Variants in ARHGEF3 observed in about 807,000 individuals in gnomAD.
The protein encoded by ARHGEF3 is 59.8 kDA protein.
ARHGEF3 carries 28 observed loss-of-function variants against 63.2 expected under a neutral mutation model. That is an observed-to-expected ratio of 0.44 (90% CI 0.33 to 0.61). The LOEUF (loss-of-function observed/expected upper bound fraction) is 0.61, where lower values mean the gene tolerates loss of function less well. Among genes scored for constraint, ARHGEF3 ranks in the 20% least tolerant of loss-of-function variants. The pLI, the probability that ARHGEF3 is intolerant of heterozygous loss-of-function variation, is 0.03. For synonymous variants in ARHGEF3, 266 were observed against 254.2 expected (o/e 1.05, Z -0.44); for missense variants, 533 against 659.3 (o/e 0.81, Z 2.10).
intron 4 of ARHGEF3, among the ~76,000 whole-genome samples, chr3:56,865,165 T>C (rs1233437515): frequency 6.6e-6 from 1 of 152,224 alleles, no homozygotes; most frequent in East Asian, 1.9e-4. Flanking sequence ...GCAGGCCTAT[T>C]TCCACAACCT....
intron 4 of ARHGEF3, among the ~76,000 whole-genome samples, chr3:56,864,357 G>T (rs183986075): frequency 4.6e-4 from 70 of 152,270 alleles, no homozygotes; most frequent in Middle Eastern, 3.4e-3. Flanking sequence ...TGTTCCCAAG[G>T]TCACAGCTCT....
chr3:56,910,529 T>C (rs7646342), intron 3 of ARHGEF3, among the ~76,000 whole-genome samples: 142,095 of 152,290 alleles, frequency 0.93, 66,684 homozygotes, highest in Non-Finnish European at 0.99. Context: ...TATATATTTA[T>C]TATAATATGT....
chr3:56,949,597 A>G (rs1024468953), intron 3 of ARHGEF3, among the ~76,000 whole-genome samples: 1 of 152,098 alleles, frequency 6.6e-6, no homozygotes, highest in Non-Finnish European at 1.5e-5. Flanking sequence ...CTCTTCAAGG[A>G]GAACCACAAA....
At position 56,871,642 on chromosome 3, in the gene ARHGEF3, C is replaced by T. The variant is rs1424519226; in HGVS notation, c.192+10650G>A. Among the ~76,000 whole-genome samples the T allele has an allele frequency of 3.3e-5, 5 of 152,082 alleles. No homozygotes were observed. The East Asian group carries it at 5.8e-4, about 18-fold the overall frequency. On this transcript the variant is annotated intron_variant, in intron 4 of 12. Transcript: ENST00000338458. ...TTACTAACACTAATAATCTCACATA[C>T]CAACAGGTCAAAATCTATTATTCTT...
At chr3:57,011,866 G>C (rs184899751) in intron 2 of ARHGEF3, among the ~76,000 whole-genome samples, 1 of 152,130 alleles carries the variant, frequency 6.6e-6, no homozygotes, top group African/African-American at 2.4e-5. Flanking sequence ...CCCAGTGCTC[G>C]CAGGGCCTCT....
chr3:56,990,381 C>G (rs763664285), intron 2 of ARHGEF3, among the ~76,000 whole-genome samples: 5 of 152,172 alleles, frequency 3.3e-5, no homozygotes, highest in Admixed American at 1.3e-4. Flanking sequence ...GTCAAGAGTT[C>G]GAGACCAGCC....
intron 2 of ARHGEF3, among the ~76,000 whole-genome samples, chr3:57,031,912 C>T (rs991946978): frequency 1.3e-5 from 2 of 152,098 alleles, no homozygotes; most frequent in Non-Finnish European, 2.9e-5. Context: ...AACTGTAATG[C>T]AGAGTTAAAC....
chr3:56,745,714 C>T (rs2034338517), intron 6 of ARHGEF3, among the ~76,000 whole-genome samples: 1 of 152,126 alleles, frequency 6.6e-6, no homozygotes, highest in Non-Finnish European at 1.5e-5. Flanking sequence ...CTCTGTCACC[C>T]AGGCTGGTGT....
intron 2 of ARHGEF3, among the ~76,000 whole-genome samples, chr3:57,034,621 G>A (rs1008474539): frequency 6.0e-5 from 9 of 150,602 alleles, no homozygotes; most frequent in African/African-American, 2.0e-4. Context: ...TAGAGATGTG[G>A]AAGAAAATAT....
In ARHGEF3 at chr3:56,889,043, A is replaced by G. The variant is rs367654343; in HGVS notation, c.130-6689T>C. 3.3e-5 allele frequency among the ~76,000 whole-genome samples: 5 copies of G among 152,188 alleles called. 1 individual carries two copies. Among genetic ancestry groups the G allele is most frequent in the East Asian group, 3.9e-4 (2 of 5,156 alleles). On this transcript the variant is annotated intron_variant, in intron 3 of 12. Transcript: ENST00000338458. ...GTATTCCTGGAAGGATCAAGTGAACATTGCCAGAGACTCGTTACTGCCTCT... is the reference window on the plus strand; with the variant it reads ...GTATTCCTGGAAGGATCAAGTGAACGTTGCCAGAGACTCGTTACTGCCTCT...
chr3:56,877,111 T>A (rs1339050775), intron 4 of ARHGEF3, among the ~76,000 whole-genome samples: 2 of 152,190 alleles, frequency 1.3e-5, no homozygotes, highest in Non-Finnish European at 2.9e-5. Flanking sequence ...TAGCCAGGAA[T>A]TTCATATCTC....
At chr3:56,828,720 C>T (rs1013456602) in intron 4 of ARHGEF3, among the ~76,000 whole-genome samples, 5 of 152,126 alleles carry the variant, frequency 3.3e-5, no homozygotes, top group African/African-American at 9.7e-5. Flanking sequence ...TCTGGTCCAG[C>T]AGTAAAACCT....
Position 56,963,939 on chromosome 3 carries a change from CTT to C in ARHGEF3, c.63-5052_63-5051del, listed in dbSNP as rs759537576. 3.5e-3 allele frequency among the ~76,000 whole-genome samples: 533 copies of C among 152,310 alleles called. 1 individual carries two copies. The highest frequency in any genetic ancestry group is 5.1e-3 in the Non-Finnish European group (345 of 68,032). The stretch of plus-strand genomic sequence containing the variant: ...GCTCATCACTTTGGCCTGTCTCTCT[CTT>C]GAACAAAGGGACATCCCAATAACAT... On this transcript the variant is annotated intron_variant, in intron 2 of 12. Transcript: ENST00000338458.
intron 2 of ARHGEF3, among the ~76,000 whole-genome samples, chr3:56,995,620 CGAGAGA>C (rs66778716): frequency 0.076 from 8,572 of 112,768 alleles, 333 homozygotes; most frequent in Non-Finnish European, 0.098. Flanking sequence ...GTAAATTTTC[CGAGAGA>C]GAGAGAGAGA....
chr3:56,921,606 A>G (rs2042144587), intron 3 of ARHGEF3, among the ~76,000 whole-genome samples: 1 of 152,200 alleles, frequency 6.6e-6, no homozygotes, highest in African/African-American at 2.4e-5. Flanking sequence ...AACCTGAACA[A>G]TTCCTCTGCC....
At chr3:56,859,166 G>GT (rs1553768464) in intron 4 of ARHGEF3, among the ~76,000 whole-genome samples, 2 of 152,038 alleles carry the variant, frequency 1.3e-5, no homozygotes, top group African/African-American at 4.8e-5. Context: ...TTATTGTTTT[G>GT]TTTTGTTTTT....
chr3:56,938,804 C>T (rs185758466), intron 3 of ARHGEF3: 4 of 152,338 alleles, frequency 2.6e-5, no homozygotes, highest in East Asian at 1.9e-4. Flanking sequence ...TGGCCCAGGG[C>T]GCCTTTGTCT....
intron 3 of ARHGEF3, among the ~76,000 whole-genome samples, chr3:56,898,838 C>T (rs149884933): frequency 8.3e-4 from 126 of 152,138 alleles, no homozygotes; most frequent in African/African-American, 2.8e-3. Flanking sequence ...GGGCAGATCA[C>T]GAGGTCAAGA....
At chr3:56,889,308 T>A (rs1451969626) in intron 3 of ARHGEF3, among the ~76,000 whole-genome samples, 1 of 152,172 alleles carries the variant, frequency 6.6e-6, no homozygotes, top group East Asian at 1.9e-4. Flanking sequence ...CAACAGATTC[T>A]CAGAAGAGCT....
Sources: gnomAD v4.1 joint callset for allele counts (sites outside exome capture counted in the v4.1 genomes callset) on GRCh38, gnomAD v4.1.1 for gene constraint, MANE v1.5 for transcripts, NCBI Gene and HGNC (gene_info 2026-07-23, HGNC 2026-07-21) for gene names.